The following TASOR2 variants were observed in gnomAD, a reference collection of about 807,000 sequenced individuals.
The protein encoded by TASOR2 is protein TASOR 2.
A neutral mutation model predicts 199.5 loss-of-function variants in TASOR2; 84 were observed. That is an observed-to-expected ratio of 0.42 (90% confidence interval 0.35 to 0.50). The LOEUF is 0.50. Among genes scored for constraint, TASOR2 ranks in the 20% least tolerant of loss-of-function variants. TASOR2 has a pLI of 0.02. For missense variants in TASOR2, 2,796 were observed against 2,835.9 expected, an observed-to-expected ratio of 0.99 and a Z score of 0.32; for synonymous variants, 1,103 against 1,046.6, an observed-to-expected ratio of 1.05 and a Z score of -1.04.
At chr10:5,732,974 T>C (rs1337432963) in intron 11 of TASOR2, among the ~76,000 whole-genome samples, 2 of 152,200 alleles carry the variant, frequency 1.3e-5, no homozygotes, top group Non-Finnish European at 2.9e-5. Context: ...TATACAACTA[T>C]CTGTAAAACA....
chr10:5,720,420 A>G lies in TASOR2; in HGVS notation c.-99-124A>G. 7.1e-7 allele frequency: 1 copy of G among 1,399,826 alleles called. No individual in the cohort carries two copies. 86.7% of individuals were successfully genotyped at this position (1,399,826 alleles called of 1,614,324 possible). On this transcript the variant is annotated intron_variant, in intron 3 of 20. Transcript: ENST00000328090. The surrounding 1 kb of genome is among the most constrained non-coding windows in gnomAD (Gnocchi z 5.3). Reference sequence around the variant, plus strand: ...CAGGTATAGTTACCTGTGAATGAGTAACACCCAAGATATATTTCTGACTCT... The same window carrying G: ...CAGGTATAGTTACCTGTGAATGAGTGACACCCAAGATATATTTCTGACTCT...
At chr10:5,739,785 G>C in exon 13 of TASOR2, 1 of 1,614,142 alleles carries the variant, frequency 6.2e-7, no homozygotes, top group Non-Finnish European at 8.5e-7. Context: ...TATGTTAGCC[G>C]ATCTAGCATT....
At chr10:5,717,743 TA>T in exon 3 of TASOR2, 1 of 1,174,126 alleles carries the variant, frequency 8.5e-7, no homozygotes, top group African/African-American at 1.6e-5. Flanking sequence ...ATTTTTAATA[TA>T]ATTAAGGTAA....
intron 1 of TASOR2, chr10:5,712,060 G>C (rs79175035): frequency 0.013 from 2,107 of 168,068 alleles, 47 homozygotes; most frequent in African/African-American, 0.048. Context: ...TGCTCTAAAA[G>C]TCTAAGCAGC....
chr10:5,704,096 C>T (rs1335603202), intron 1 of TASOR2, among the ~76,000 whole-genome samples: 2 of 151,632 alleles, frequency 1.3e-5, no homozygotes, highest in Non-Finnish European at 2.9e-5. Context: ...TGGTAGTGGG[C>T]GCCTGTCATC....
chr10:5,699,806 A>T lies in TASOR2; in HGVS notation c.-287-13017A>T. 1.1e-6 allele frequency: 1 copy of T among 872,238 alleles called. No individual in the cohort carries two copies. The highest frequency in any genetic ancestry group is 1.4e-6 in the Non-Finnish European group (1 of 726,898). The allele number at this position is 872,238 out of a possible 1,614,324, so 54.0% of individuals were successfully genotyped here. On this transcript the variant is annotated intron_variant, in intron 1 of 20. Transcript: ENST00000328090. The surrounding 1 kb of genome is among the most constrained non-coding windows in gnomAD (Gnocchi z 4.1). ...ACAAAAGATAGACAGGAGAAAAATG[A>T]GTAAAACAGGTACACATTTATTTTT...
exon 21 of TASOR2, chr10:5,763,528 C>CT (rs1009414827): frequency 5.9e-5 from 9 of 152,292 alleles, no homozygotes; most frequent in African/African-American, 1.9e-4. Flanking sequence ...AATTTATAAA[C>CT]TATCATTTTT....
At chr10:5,761,231 G>T in intron 18 of TASOR2, 59 bp from the exon 20 acceptor site, 1 of 1,470,474 alleles carries the variant, frequency 6.8e-7, no homozygotes, top group Non-Finnish European at 9.2e-7. Context: ...CTGAAGGCAA[G>T]AAAAAGTCCT....
At chr10:5,749,569 C>T in exon 15 of TASOR2, 2 of 1,614,106 alleles carry the variant, frequency 1.2e-6, no homozygotes, top group Non-Finnish European at 8.5e-7. Flanking sequence ...AGATCCCAGA[C>T]CACAGGGGCA....
At chr10:5,758,583 C>T (rs950171182) in intron 17 of TASOR2, among the ~76,000 whole-genome samples, 2 of 152,174 alleles carry the variant, frequency 1.3e-5, no homozygotes, top group East Asian at 1.9e-4. Flanking sequence ...TCTACTGCAT[C>T]GGGGCCTCCT....
chr10:5,756,038 A>T (rs1838890814), intron 15 of TASOR2, among the ~76,000 whole-genome samples: 1 of 152,108 alleles, frequency 6.6e-6, no homozygotes. Flanking sequence ...GTGTAGGATT[A>T]TAGAATTTAT....
At chr10:5,736,319 G>A (rs1835577378) in intron 12 of TASOR2, among the ~76,000 whole-genome samples, 1 of 152,086 alleles carries the variant, frequency 6.6e-6, no homozygotes, top group Non-Finnish European at 1.5e-5. Context: ...TCGGGAGGCT[G>A]AGGCAGGAGA....
Position 5,737,106 on chromosome 10 carries a change from C to A in TASOR2, c.1447+1560C>A, listed in dbSNP as rs1255472366. ...TCCCGAGTAGCTAGGACTACAGGTG[C>A]ATGCCACCACGCCTGGCTAATTTTT... On this transcript the variant is annotated intron_variant, in intron 12 of 20. Coordinates refer to ENST00000328090, the Ensembl canonical transcript of TASOR2. This position sits in a 1 kb window ranked among gnomAD's most constrained non-coding sequence, Gnocchi z 4.9. Among the ~76,000 whole-genome samples the A allele has an allele frequency of 3.9e-5, 6 of 152,002 alleles. No homozygotes were observed.
intron 1 of TASOR2, chr10:5,692,719 C>T (rs576373562): frequency 6.6e-6 from 1 of 152,174 alleles, no homozygotes; most frequent in East Asian, 1.9e-4. Flanking sequence ...CGAGTCAGGG[C>T]CATGCCCCTG....
chr10:5,691,033 T>TA (rs1836357109), intron 1 of TASOR2, among the ~76,000 whole-genome samples: 1 of 151,720 alleles, frequency 6.6e-6, no homozygotes, highest in African/African-American at 2.4e-5. Flanking sequence ...ACTACTAAAA[T>TA]ACAAAAAATT....
chr10:5,688,508 ACT>A (rs996267960), intron 1 of TASOR2, among the ~76,000 whole-genome samples: 1 of 143,000 alleles, frequency 7.0e-6, no homozygotes, highest in African/African-American at 2.7e-5. Flanking sequence ...AAGCACTGGG[ACT>A]ATAACATCCA....
At chr10:5,763,325 C>T (rs1165994484) in exon 21 of TASOR2, 1 of 309,196 alleles carries the variant, frequency 3.2e-6, no homozygotes, top group Non-Finnish European at 5.9e-6. Flanking sequence ...TACATGTTTA[C>T]TTAGTTGGAG....
At chr10:5,721,425 C>T (rs1833343717) in intron 6 of TASOR2, among the ~76,000 whole-genome samples, 1 of 152,120 alleles carries the variant, frequency 6.6e-6, no homozygotes, top group South Asian at 2.1e-4. Context: ...TGAAGAACAT[C>T]TTAGGAAATC....
At chr10:5,728,408 C>T (rs1279623820) in intron 10 of TASOR2, among the ~76,000 whole-genome samples, 4 of 151,942 alleles carry the variant, frequency 2.6e-5, no homozygotes, top group African/African-American at 9.7e-5. Flanking sequence ...GAGGCTGAGG[C>T]GGGTGGATCA....
Sources: allele counts gnomAD v4.1 joint callset (sites outside exome capture counted in the v4.1 genomes callset), GRCh38; gene constraint gnomAD v4.1.1; non-coding constraint Gnocchi (gnomAD v3.1); transcripts MANE v1.5; gene names NCBI Gene and HGNC (gene_info 2026-07-23, HGNC 2026-07-21).